Variants in MGLL observed in about 807,000 individuals in gnomAD.
MGLL encodes the protein lysophospholipase homolog.
Under a neutral mutation model 29.1 loss-of-function variants are expected in MGLL, and 7 were observed. The observed-to-expected ratio is 0.24, with a 90% CI of 0.14 to 0.45. The LOEUF (loss-of-function observed/expected upper bound fraction) is 0.45, where lower values mean the gene tolerates loss of function less well. MGLL is among the 20% of genes least tolerant of loss of function. The pLI, the probability that MGLL is intolerant of heterozygous loss-of-function variation, is 0.99. For missense variants in MGLL, 356 were observed against 413.6 expected (o/e 0.86, Z 1.21); for synonymous variants, 148 against 168.3 (o/e 0.88, Z 0.93).
rs1559899799 is a variant in MGLL at position 127,691,901 on chromosome 3, G to A, written c.*297C>T. 2.6e-6 allele frequency: 1 copy of A among 391,648 alleles called. No individual in the cohort carries two copies. Among genetic ancestry groups the A allele is most frequent in the South Asian group, 2.4e-5 (1 of 41,924 alleles). 24.3% of individuals were successfully genotyped at this position (391,648 alleles called of 1,614,324 possible). A position where few individuals can be genotyped will look rare whatever the true frequency, so the allele number is the denominator to read the frequency against. ...GGAACCCTTGTGGGAGCTGGGAGAG[G>A]CAGGGCAGAGGCTTGGCTTTGTTTT... On this transcript the variant is annotated 3_prime_UTR_variant, in exon 8 of 8. Coordinates refer to ENST00000265052, the MANE Select transcript of MGLL (RefSeq NM_007283.7).
intron 3 of MGLL, among the ~76,000 whole-genome samples, chr3:127,732,057 AC>A (rs2076162270): frequency 2.6e-5 from 4 of 152,194 alleles, no homozygotes; most frequent in South Asian, 4.1e-4. Context: ...AACCTATAGA[AC>A]CCTGGTGATC....
chr3:127,821,708 G>T lies in MGLL; in HGVS notation c.141C>A (p.Pro47=). The change falls in exon 2 of 8, where the codon CCC becomes CCA. Residue 47 remains proline, a synonymous_variant. Coordinates refer to ENST00000265052, the MANE Select transcript of MGLL (RefSeq NM_007283.7). ...GQYLFCRYWK[P]TGTPKALIFV... is the part of the protein sequence containing the mutation. Reference sequence around the variant, plus strand: ...GGAAGACTTACTTGGGTGTGCCTGTGGGTTTCCAGTACCTGCAGAAGAGGT... The same window carrying T: ...GGAAGACTTACTTGGGTGTGCCTGTTGGTTTCCAGTACCTGCAGAAGAGGT... 1.2e-6 allele frequency: 2 copies of T among 1,614,118 alleles called. No homozygotes were observed. Among genetic ancestry groups the T allele is most frequent in the Non-Finnish European group, 8.5e-7 (1 of 1,180,012 alleles).
chr3:127,747,083 G>T (rs1221491922), intron 3 of MGLL, among the ~76,000 whole-genome samples: 3 of 152,246 alleles, frequency 2.0e-5, no homozygotes, highest in African/African-American at 7.2e-5. Context: ...CTCTTGTACT[G>T]TGTCTCTGTC....
intron 5 of MGLL, among the ~76,000 whole-genome samples, chr3:127,714,369 C>T (rs1276398368): frequency 1.3e-5 from 2 of 152,194 alleles, no homozygotes; most frequent in African/African-American, 4.8e-5. Flanking sequence ...TCCAGCTGAG[C>T]GCTGGCTGCC....
intron 1 of MGLL, 100 bp from the exon 2 acceptor site, chr3:127,821,938 A>C: frequency 7.4e-7 from 1 of 1,359,508 alleles, no homozygotes; most frequent in Non-Finnish European, 1.0e-6. Context: ...ATTTTTTTAA[A>C]AGCAGTTTAA....
chr3:127,787,407 AGCACGTGGAAC>A (rs1270004253), intron 2 of MGLL, among the ~76,000 whole-genome samples: 1 of 152,206 alleles, frequency 6.6e-6, no homozygotes, highest in East Asian at 1.9e-4. Flanking sequence ...AGTCCCCTAG[AGCACGTGGAAC>A]GGCTGGCAGA....
intron 5 of MGLL, among the ~76,000 whole-genome samples, chr3:127,716,566 G>A (rs889953228): frequency 6.6e-6 from 1 of 152,392 alleles, no homozygotes; most frequent in Non-Finnish European, 1.5e-5. Context: ...CAAGAGGCTT[G>A]AGGGGCGTTC....
intron 2 of MGLL, among the ~76,000 whole-genome samples, chr3:127,799,194 G>C (rs1339872604): frequency 6.6e-6 from 1 of 152,196 alleles, no homozygotes; most frequent in Non-Finnish European, 1.5e-5. Flanking sequence ...ACGTGCCCCA[G>C]AAACTCACCC....
At chr3:127,813,340 C>T (rs1325135424) in intron 2 of MGLL, among the ~76,000 whole-genome samples, 1 of 152,138 alleles carries the variant, frequency 6.6e-6, no homozygotes, top group African/African-American at 2.4e-5. Flanking sequence ...AGGTCTCTGG[C>T]CATCTCTTCT....
rs2076217337 is a variant in MGLL, at chr3:127,734,863, C to T, written c.263-12297G>A. On this transcript the variant is annotated intron_variant, in intron 3 of 7. Transcript: ENST00000265052. ...TGGGAGCCCCTGACTGTGAGGAGGA[C>T]AGACACTTCCTTCCCTTACAATTTG... Among the ~76,000 whole-genome samples, 3 of 152,352 alleles carry T rather than the reference C, an allele frequency of 2.0e-5. No homozygotes were observed. In the South Asian group the frequency reaches 6.2e-4, roughly 32 times the overall value.
chr3:127,795,979 T>A (rs1000658402), intron 2 of MGLL, among the ~76,000 whole-genome samples: 2 of 152,242 alleles, frequency 1.3e-5, no homozygotes, highest in African/African-American at 2.4e-5. Flanking sequence ...ATGTTTCTTT[T>A]AAATCCTGCT....
At chr3:127,702,331 G>A (rs75024390) in intron 6 of MGLL, among the ~76,000 whole-genome samples, 2 of 152,178 alleles carry the variant, frequency 1.3e-5, no homozygotes, top group Non-Finnish European at 1.5e-5. Flanking sequence ...TGGCAGAGGG[G>A]AGATAGGCCC....
chr3:127,794,926 A>G (rs1372070444), intron 2 of MGLL, among the ~76,000 whole-genome samples: 1 of 152,264 alleles, frequency 6.6e-6, no homozygotes, highest in Admixed American at 6.5e-5. Context: ...GTCTAGTATT[A>G]GAAACTGAGG....
At chr3:127,712,772 A>T (rs556296842) in intron 5 of MGLL, 1 of 152,336 alleles carries the variant, frequency 6.6e-6, no homozygotes, top group Non-Finnish European at 1.5e-5. Context: ...GGAATGTTCA[A>T]GAGTCCAGCT....
chr3:127,752,135 T>C (rs1289148088), intron 3 of MGLL, among the ~76,000 whole-genome samples: 1 of 151,966 alleles, frequency 6.6e-6, no homozygotes. Context: ...TTCACTCTTC[T>C]TGCCTAGGCT....
chr3:127,795,130 C>T (rs369601318), intron 2 of MGLL, among the ~76,000 whole-genome samples: 109 of 152,280 alleles, frequency 7.2e-4, no homozygotes, highest in African/African-American at 2.5e-3. Context: ...AACCTAGGTG[C>T]CCATCAACAG....
chr3:127,715,469 G>A (rs969037757), intron 5 of MGLL: 27 of 346,334 alleles, frequency 7.8e-5, no homozygotes, highest in Non-Finnish European at 1.4e-4. Context: ...CCCCATAAAA[G>A]CCCCAAGAAA....
chr3:127,788,386 A>G (rs1221495675), intron 2 of MGLL, among the ~76,000 whole-genome samples: 1 of 152,152 alleles, frequency 6.6e-6, no homozygotes, highest in Non-Finnish European at 1.5e-5. Flanking sequence ...AGGTCACACA[A>G]CTAGTAGGTT....
Position 127,691,924 on chromosome 3 carries a change from T to G in MGLL, c.*274A>C. ...AGGCAGGGCAGAGGCTTGGCTTTGT[T>G]TTCAGTGGACATTTTAGCACATTCT... On this transcript the variant is annotated 3_prime_UTR_variant, in exon 8 of 8. Transcript: ENST00000265052. 2.2e-6 allele frequency: 1 copy of G among 453,680 alleles called. No individual in the cohort carries two copies. The highest frequency in any genetic ancestry group is 4.0e-6 in the Non-Finnish European group (1 of 251,376). 28.1% of individuals were successfully genotyped at this position (453,680 alleles called of 1,614,324 possible).
Sources: gnomAD v4.1 joint callset for allele counts (sites outside exome capture counted in the v4.1 genomes callset) on GRCh38, gnomAD v4.1.1 for gene constraint, MANE v1.5 for transcripts, NCBI Gene and HGNC (gene_info 2026-07-23, HGNC 2026-07-21) for gene names.